The following BDP1 variants were observed in gnomAD, a reference collection of about 807,000 sequenced individuals.
BDP1 encodes the protein transcription factor TFIIIB component B'' homolog.
BDP1 carries 169 observed loss-of-function variants against 266.6 expected under a neutral mutation model. The observed-to-expected ratio is 0.63, with a 90% CI of 0.56 to 0.72. The LOEUF is 0.72. BDP1 is among the 30% of genes least tolerant of loss of function. The probability of loss-of-function intolerance (pLI) is 0.00; values close to 1 mark genes in which losing one functional copy is unlikely to be tolerated. For synonymous variants in BDP1, 1,090 were observed against 1,022.4 expected (o/e 1.07, Z -1.26); for missense variants, 3,015 against 3,053.8 (o/e 0.99, Z 0.30).
intron 35 of BDP1, among the ~76,000 whole-genome samples, chr5:71,554,014 C>T (rs1199632297): frequency 1.3e-5 from 2 of 152,132 alleles, no homozygotes; most frequent in African/African-American, 4.8e-5. Context: ...TTTCCTAGTA[C>T]CCTCTTGTTT....
chr5:71,504,052 C>G (rs1251941194), intron 15 of BDP1, among the ~76,000 whole-genome samples: 2 of 151,094 alleles, frequency 1.3e-5, no homozygotes, highest in Non-Finnish European at 2.9e-5. Context: ...GTGGGCGGAT[C>G]ACGAGGTCAG....
chr5:71,529,177 G>T (rs1318624653), intron 25 of BDP1, among the ~76,000 whole-genome samples: 1 of 152,126 alleles, frequency 6.6e-6, no homozygotes, highest in African/African-American at 2.4e-5. Context: ...GAATCACGAG[G>T]TCAGGAGTTC....
At chr5:71,562,583 G>C in intron 38 of BDP1, 63 bp downstream of exon 38, 1 of 1,544,052 alleles carries the variant, frequency 6.5e-7, no homozygotes, top group South Asian at 1.2e-5. Context: ...GATTCAACTA[G>C]GGAAAACATA....
intron 25 of BDP1, among the ~76,000 whole-genome samples, chr5:71,532,008 A>C (rs1766278564): frequency 6.6e-6 from 1 of 152,338 alleles, no homozygotes; most frequent in Middle Eastern, 3.4e-3. Context: ...ATTAGGGGGA[A>C]AGTGAGGACA....
In BDP1 at chr5:71,510,397, A is replaced by G. The variant is rs1261634882; in HGVS notation, c.3305A>G (p.Glu1102Gly). 1.2e-6 allele frequency: 2 copies of G among 1,614,164 alleles called. No individual in the cohort carries two copies. Among genetic ancestry groups the G allele is most frequent in the South Asian group, 1.1e-5 (1 of 91,080 alleles). ...ACTGAAAGAGAAATATCCCCACAGG[A>G]AAATGGCCTAGAGGAGGTTAAGCCT... is the stretch of plus-strand genomic sequence containing the variant. ...EETEREISPQENGLEEVKPLG... is the reference protein window; with the variant it reads ...EETEREISPQGNGLEEVKPLG... The change falls in exon 17 of 39, where the codon GAA becomes GGA. Residue 1102 changes from glutamate to glycine, a missense_variant. Coordinates refer to ENST00000358731, the MANE Select transcript of BDP1 (RefSeq NM_018429.3).
chr5:71,577,947 A>G, the BDP1 span, among the ~76,000 whole-genome samples: 1 of 152,192 alleles, frequency 6.6e-6, no homozygotes, highest in East Asian at 1.9e-4. Flanking sequence ...GGCCAAAGGG[A>G]TGGTGACCAA....
intron 26 of BDP1, among the ~76,000 whole-genome samples, chr5:71,533,832 C>T (rs1408207319): frequency 6.6e-6 from 1 of 151,952 alleles, no homozygotes; most frequent in Admixed American, 6.6e-5. Context: ...ATTTGTATTT[C>T]CTTGGTGACT....
chr5:71,554,242 T>C (rs944782585), intron 35 of BDP1, among the ~76,000 whole-genome samples: 2 of 152,248 alleles, frequency 1.3e-5, no homozygotes, highest in Non-Finnish European at 2.9e-5. Flanking sequence ...TCTTTTCATA[T>C]GCTTAAGAGC....
intron 22 of BDP1, among the ~76,000 whole-genome samples, chr5:71,518,272 T>C (rs277947): frequency 0.31 from 46,593 of 152,112 alleles, 8,083 homozygotes; most frequent in East Asian, 0.51. Flanking sequence ...TCAGCACTTA[T>C]GAATATACTT....
chr5:71,472,435 T>C (rs1417657734), intron 7 of BDP1, among the ~76,000 whole-genome samples: 1 of 152,250 alleles, frequency 6.6e-6, no homozygotes. Flanking sequence ...CACTCCAGTC[T>C]GTGCAATGGG....
chr5:71,482,187 C>T (rs114939591), intron 7 of BDP1, among the ~76,000 whole-genome samples: 2,325 of 152,196 alleles, frequency 0.015, 41 homozygotes, highest in Non-Finnish European at 0.019. Context: ...GTATTTCCAC[C>T]AGGCCTGTGA....
intron 6 of BDP1, among the ~76,000 whole-genome samples, chr5:71,468,503 A>AT (rs1762041239): frequency 6.7e-6 from 1 of 148,412 alleles, no homozygotes; most frequent in South Asian, 2.1e-4. Flanking sequence ...TGAAAGAAAT[A>AT]TTTTTTAAGA....
intron 38 of BDP1, 145 bp downstream of exon 38, chr5:71,562,665 C>G: frequency 6.8e-7 from 1 of 1,470,466 alleles, no homozygotes; most frequent in Non-Finnish European, 9.2e-7. Context: ...CATCGTGTTC[C>G]TCCATAATGG....
chr5:71,504,829 A>G, intron 16 of BDP1, 78 bp downstream of exon 16: 1 of 1,390,718 alleles, frequency 7.2e-7, no homozygotes, highest in Non-Finnish European at 1.0e-6. Context: ...TTAAAGCAGA[A>G]GCAATTTAGA....
At chr5:71,500,679 A>T (rs1042853530) in intron 13 of BDP1, among the ~76,000 whole-genome samples, 1 of 151,792 alleles carries the variant, frequency 6.6e-6, no homozygotes, top group Non-Finnish European at 1.5e-5. Context: ...ATCTTTTCAC[A>T]TATCTCCTTA....
chr5:71,481,452 G>T (rs1464794912), intron 7 of BDP1, among the ~76,000 whole-genome samples: 1 of 149,840 alleles, frequency 6.7e-6, no homozygotes, highest in Non-Finnish European at 1.5e-5. Flanking sequence ...AGCAATTCAG[G>T]AGGCTGAGGC....
intron 25 of BDP1, among the ~76,000 whole-genome samples, chr5:71,529,657 T>C (rs535973653): frequency 1.6e-4 from 25 of 152,294 alleles, no homozygotes; most frequent in African/African-American, 5.5e-4. Context: ...TGCCACTGCA[T>C]TGTAGCCTGG....
intron 18 of BDP1, 44 bp from the exon 19 acceptor site, chr5:71,513,140 GC>G: frequency 2.2e-6 from 3 of 1,377,690 alleles, no homozygotes; most frequent in Non-Finnish European, 3.0e-6. Flanking sequence ...CGTTTCCACT[GC>G]CCCTTCAGTT....
intron 15 of BDP1, among the ~76,000 whole-genome samples, chr5:71,504,272 CAA>C (rs35372314): frequency 1.1e-4 from 12 of 112,030 alleles, no homozygotes; most frequent in Admixed American, 1.0e-4. Flanking sequence ...GACTCCGTCT[CAA>C]AAAAAAAAAA....
Sources: gnomAD v4.1 joint callset for allele counts (sites outside exome capture counted in the v4.1 genomes callset) on GRCh38, gnomAD v4.1.1 for gene constraint, MANE v1.5 for transcripts, NCBI Gene and HGNC (gene_info 2026-07-23, HGNC 2026-07-21) for gene names.